The following CATSPERB variants were observed in gnomAD, a reference collection of about 807,000 sequenced individuals.
CATSPERB encodes catsper channel auxiliary subunit beta.
Under a neutral mutation model 128.3 loss-of-function variants are expected in CATSPERB, and 93 were observed. The observed-to-expected ratio is 0.72, with a 90% CI of 0.61 to 0.86. The LOEUF (loss-of-function observed/expected upper bound fraction) is 0.86. CATSPERB is among the 40% of genes least tolerant of loss of function. The pLI is 0.00. For synonymous variants in CATSPERB, 381 were observed against 448.8 expected, an observed-to-expected ratio of 0.85 and a Z score of 1.91; for missense variants, 1,153 against 1,329.5, an observed-to-expected ratio of 0.87 and a Z score of 2.06.
intron 14 of CATSPERB, among the ~76,000 whole-genome samples, chr14:91,665,794 C>T (rs10138154): frequency 0.39 from 58,694 of 151,740 alleles, 11,512 homozygotes; most frequent in Middle Eastern, 0.5. Context: ...CACTTGAACC[C>T]GGGAGGTGGT....
At chr14:91,647,660 A>G (rs1256847061) in intron 15 of CATSPERB, among the ~76,000 whole-genome samples, 1 of 152,182 alleles carries the variant, frequency 6.6e-6, no homozygotes, top group African/African-American at 2.4e-5. Flanking sequence ...AACTCCTTTT[A>G]TAAAACCATC....
intron 10 of CATSPERB, among the ~76,000 whole-genome samples, chr14:91,688,189 C>T (rs531709980): frequency 6.6e-6 from 1 of 152,160 alleles, no homozygotes; most frequent in Admixed American, 6.5e-5. Flanking sequence ...CTTTTTTAAT[C>T]TGAAAGATGA....
At chr14:91,614,319 C>T (rs1893894227) in intron 20 of CATSPERB, among the ~76,000 whole-genome samples, 1 of 152,150 alleles carries the variant, frequency 6.6e-6, no homozygotes, top group Admixed American at 6.5e-5. Context: ...TGTTCTGAAC[C>T]TCTACACTGC....
At chr14:91,684,054 G>A (rs1895332446) in intron 10 of CATSPERB, 111 bp from the exon 11 acceptor site, 2 of 636,676 alleles carry the variant, frequency 3.1e-6, no homozygotes, top group African/African-American at 1.9e-5. Context: ...AGGAATGTGA[G>A]GCAAAGAGAC....
intron 11 of CATSPERB, among the ~76,000 whole-genome samples, chr14:91,674,850 A>G (rs1895162291): frequency 6.6e-6 from 1 of 152,186 alleles, no homozygotes; most frequent in East Asian, 1.9e-4. Context: ...GACTCAAGAT[A>G]GCCACTGGGA....
In CATSPERB at chr14:91,615,185, G is replaced by C. The variant is rs964946219; in HGVS notation, c.2400+2412C>G. 4.6e-5 allele frequency among the ~76,000 whole-genome samples: 7 copies of C among 152,190 alleles called. No homozygotes were observed. The East Asian group carries it at 1.3e-3, about 29-fold the overall frequency. ...AGGACAGCAGGAGGTGAGTGGCAGA[G>C]AAGCATGTATTACTGCCTGAGCTCC... On this transcript the variant is annotated intron_variant, in intron 20 of 26. Coordinates refer to ENST00000256343, the MANE Select transcript of CATSPERB (RefSeq NM_024764.4).
At chr14:91,714,277 CAAAAAAAA>C (rs35951126) in intron 5 of CATSPERB, among the ~76,000 whole-genome samples, 3 of 111,296 alleles carry the variant, frequency 2.7e-5, no homozygotes, top group African/African-American at 1.1e-4. Flanking sequence ...TACAATAAGG[CAAAAAAAA>C]AAAAAAAGAA....
intron 10 of CATSPERB, among the ~76,000 whole-genome samples, chr14:91,686,770 T>C (rs948284378): frequency 6.6e-6 from 1 of 152,222 alleles, no homozygotes; most frequent in African/African-American, 2.4e-5. Context: ...ATTGTATCTA[T>C]ATGTCTGGAC....
At chr14:91,715,516 C>T (rs1895923112) in intron 5 of CATSPERB, among the ~76,000 whole-genome samples, 1 of 142,366 alleles carries the variant, frequency 7.0e-6, no homozygotes, top group East Asian at 2.1e-4. Context: ...CATGCCAATG[C>T]ACTCCAGCCT....
intron 17 of CATSPERB, among the ~76,000 whole-genome samples, chr14:91,629,766 G>A (rs912075771): frequency 1.4e-4 from 21 of 152,140 alleles, no homozygotes; most frequent in Non-Finnish European, 4.4e-5. Flanking sequence ...CCTTAATTAT[G>A]AAAGCTGTCT....
chr14:91,677,087 C>T (rs1455661770), intron 11 of CATSPERB, among the ~76,000 whole-genome samples: 1 of 152,060 alleles, frequency 6.6e-6, no homozygotes, highest in Admixed American at 6.5e-5. Context: ...ATGGATTAAA[C>T]ACTTAAATGT....
At chr14:91,665,525 C>T (rs1444799969) in intron 14 of CATSPERB, among the ~76,000 whole-genome samples, 1 of 152,086 alleles carries the variant, frequency 6.6e-6, no homozygotes, top group Non-Finnish European at 1.5e-5. Context: ...AATTGTGTTC[C>T]TCTTATAAGG....
intron 10 of CATSPERB, among the ~76,000 whole-genome samples, chr14:91,684,213 C>T (rs1895336301): frequency 6.6e-6 from 1 of 152,218 alleles, no homozygotes; most frequent in Non-Finnish European, 1.5e-5. Context: ...TATGAACTGT[C>T]TTTCAGAAGC....
At chr14:91,581,135 G>A (rs1407597299) in intron 26 of CATSPERB, 28 bp from the exon 27 acceptor site, 2 of 1,580,114 alleles carry the variant, frequency 1.3e-6, no homozygotes. Flanking sequence ...AAGTCTTTAA[G>A]CTTTCTGAAT....
chr14:91,714,277 CAAAAA>C (rs35951126), intron 5 of CATSPERB, among the ~76,000 whole-genome samples: 1 of 111,294 alleles, frequency 9.0e-6, no homozygotes, highest in South Asian at 3.2e-4. Flanking sequence ...TACAATAAGG[CAAAAA>C]AAAAAAAAAA....
At chr14:91,719,634 T>C (rs1006446318) in intron 4 of CATSPERB, among the ~76,000 whole-genome samples, 156 bp from the exon 5 acceptor site, 3 of 152,232 alleles carry the variant, frequency 2.0e-5, no homozygotes. Flanking sequence ...TCCTACATTA[T>C]GCTCACATAT....
Position 91,693,304 on chromosome 14 carries a change from A to G in CATSPERB, c.713-60T>C, listed in dbSNP as rs142255855. On this transcript the variant is annotated intron_variant, in intron 8 of 26. Transcript: ENST00000256343. ...AAGAAAAAAGTGAGTTCCTTACTGA[A>G]GCAAAGACATTTTATAGATATTAAT... 416 of 1,545,268 alleles carry G rather than the reference A, an allele frequency of 2.7e-4. 2 individuals are homozygous for G. In the African/African-American group the frequency reaches 4.9e-3, roughly 18 times the overall value.
At chr14:91,722,411 T>C (rs1896051109) in intron 4 of CATSPERB, among the ~76,000 whole-genome samples, 4 of 152,220 alleles carry the variant, frequency 2.6e-5, no homozygotes, top group Admixed American at 2.6e-4. Context: ...GAACACTACA[T>C]ATATATGTTT....
intron 22 of CATSPERB, among the ~76,000 whole-genome samples, chr14:91,601,557 A>G (rs942090521): frequency 4.6e-5 from 7 of 152,162 alleles, no homozygotes; most frequent in Non-Finnish European, 8.8e-5. Flanking sequence ...CACAGAAACA[A>G]CCAAGCTCAG....
Sources: allele counts gnomAD v4.1 joint callset (sites outside exome capture counted in the v4.1 genomes callset), GRCh38; gene constraint gnomAD v4.1.1; transcripts MANE v1.5; gene names NCBI Gene and HGNC (gene_info 2026-07-23, HGNC 2026-07-21).